MED13L: variants seen among roughly 807,000 people sequenced by gnomAD.
MED13L encodes the protein mediator of RNA polymerase II transcription subunit 13-like.
A neutral mutation model predicts 220.9 loss-of-function variants in MED13L; 7 were observed. The ratio of observed to expected loss-of-function variants is 0.03; its 90% CI spans 0.02 to 0.06. MED13L has a LOEUF of 0.06. Among genes scored for constraint, MED13L ranks in the 10% least tolerant of loss-of-function variants. The pLI is 1.00. For synonymous variants in MED13L, 1,011 were observed against 1,015.2 expected, an observed-to-expected ratio of 1.00 and a Z score of 0.08; for missense variants, 1,965 against 2,760.5, an observed-to-expected ratio of 0.71 and a Z score of 6.46.
At chr12:116,245,548 A>C (rs1221836182) in intron 1 of MED13L, among the ~76,000 whole-genome samples, 2 of 152,214 alleles carry the variant, frequency 1.3e-5, no homozygotes, top group African/African-American at 4.8e-5. Flanking sequence ...TGGGAGAAGA[A>C]AACTTTAAAA....
In MED13L at chr12:115,975,544, G is replaced by C. The variant is rs141451756; in HGVS notation, c.5559C>G (p.Thr1853=). The C allele has an allele frequency of 6.2e-7, 1 of 1,614,090 alleles. No individual in the cohort carries two copies. The highest frequency in any genetic ancestry group is 1.1e-5 in the South Asian group (1 of 91,076). The change falls in exon 24 of 31, where the codon ACC becomes ACG. Residue 1853 remains threonine, a synonymous_variant. Coordinates refer to ENST00000281928, the MANE Select transcript of MED13L (RefSeq NM_015335.5). ...TTGGTAAAGCAATATTTACAACGCA[G>C]GTCTCTAATAATTCCCCATGGAGGT... ...CTDLHGELLE[T]CVVNIALPNR...
intron 5 of MED13L, among the ~76,000 whole-genome samples, chr12:116,021,276 G>A (rs1008691001): frequency 1.3e-5 from 2 of 152,184 alleles, no homozygotes; most frequent in African/African-American, 4.8e-5. Flanking sequence ...CAACATTGAA[G>A]ATTAGAAATA....
At chr12:116,105,692 C>CT (rs750863125) in intron 3 of MED13L, among the ~76,000 whole-genome samples, 5 of 152,110 alleles carry the variant, frequency 3.3e-5, no homozygotes, top group Non-Finnish European at 7.4e-5. Flanking sequence ...AGACAGATTA[C>CT]AGTAACAGAA....
chr12:116,241,741 A>G (rs952310108), intron 1 of MED13L, among the ~76,000 whole-genome samples: 12 of 152,240 alleles, frequency 7.9e-5, no homozygotes, highest in African/African-American at 2.9e-4. Flanking sequence ...TAACTAATTC[A>G]GGTAAAACAG....
intron 4 of MED13L, among the ~76,000 whole-genome samples, chr12:116,091,571 G>A (rs1229546854): frequency 2.0e-5 from 3 of 152,188 alleles, no homozygotes; most frequent in South Asian, 4.1e-4. Context: ...CTTATTAAGT[G>A]TTTGTCTGCT....
chr12:116,175,124 C>T (rs1215426617), intron 2 of MED13L, among the ~76,000 whole-genome samples: 2 of 151,854 alleles, frequency 1.3e-5, no homozygotes, highest in Admixed American at 6.6e-5. Flanking sequence ...GCTGTCTCTG[C>T]CAAAAAATAA....
chr12:116,271,883 G>A (rs535008720), intron 1 of MED13L, among the ~76,000 whole-genome samples: 2 of 152,024 alleles, frequency 1.3e-5, no homozygotes, highest in East Asian at 1.9e-4. Flanking sequence ...TGAAATAAAT[G>A]TATCATTCAC....
At chr12:115,968,837 C>A in intron 28 of MED13L, 103 bp downstream of exon 28, 1 of 1,428,130 alleles carries the variant, frequency 7.0e-7, no homozygotes, top group Non-Finnish European at 9.8e-7. Flanking sequence ...GGACCCAGAC[C>A]ATCAAGAACT....
rs1438649347 is a variant in MED13L, at chr12:115,966,254, A to G, written c.6226-11T>C. The G allele has an allele frequency of 6.2e-7, 1 of 1,613,872 alleles. No homozygotes were observed. Among genetic ancestry groups the G allele is most frequent in the Non-Finnish European group, 8.5e-7 (1 of 1,179,982 alleles). ...ACGCTCACCCTGGCTCTGAAAAACA[A>G]AAATCCCAAAAACATGATCAGCATT... On this transcript the variant is annotated splice_polypyrimidine_tract_variant and intron_variant, in intron 28 of 30. Transcript: ENST00000281928.
rs762494489 is a variant in MED13L at position 115,987,565 on chromosome 12, G to T, written c.3935-277C>A. On this transcript the variant is annotated intron_variant, in intron 17 of 30. Transcript: ENST00000281928. The stretch of plus-strand genomic sequence containing the variant: ...TTGTTTAAAAGTGGAAAAATGGATA[G>T]GTGCGACTTTTTAAAACCATGGAAA... Among the ~76,000 whole-genome samples, 23 of 152,100 alleles carry T rather than the reference G, an allele frequency of 1.5e-4. No homozygotes were observed. The South Asian group carries it at 3.1e-3, about 21-fold the overall frequency.
intron 2 of MED13L, among the ~76,000 whole-genome samples, chr12:116,156,218 A>C (rs1206276540): frequency 6.6e-6 from 1 of 151,970 alleles, no homozygotes; most frequent in African/African-American, 2.4e-5. Flanking sequence ...CAGTAGTATA[A>C]ATATCTTTCC....
At chr12:116,136,442 A>ATG (rs966787190) in intron 2 of MED13L, among the ~76,000 whole-genome samples, 1 of 152,102 alleles carries the variant, frequency 6.6e-6, no homozygotes, top group South Asian at 2.1e-4. Context: ...ATAAGTGTGT[A>ATG]TGTGTGTGTG....
At chr12:116,183,899 T>C (rs189448077) in intron 2 of MED13L, among the ~76,000 whole-genome samples, 22 of 151,764 alleles carry the variant, frequency 1.4e-4, no homozygotes, top group African/African-American at 4.6e-4. Context: ...CCCTGACAAA[T>C]AGATGACTGT....
intron 4 of MED13L, among the ~76,000 whole-genome samples, chr12:116,084,022 TA>T (rs1871419282): frequency 6.6e-6 from 1 of 152,204 alleles, no homozygotes; most frequent in Non-Finnish European, 1.5e-5. Flanking sequence ...AAAGCACAAA[TA>T]CAGAACTCTT....
At chr12:116,051,361 G>A (rs1868495429) in intron 4 of MED13L, among the ~76,000 whole-genome samples, 1 of 151,908 alleles carries the variant, frequency 6.6e-6, no homozygotes, top group African/African-American at 2.4e-5. Flanking sequence ...TTTTAAACTA[G>A]AAATACAGTT....
At chr12:116,078,200 T>A (rs1364376005) in intron 4 of MED13L, among the ~76,000 whole-genome samples, 1 of 151,438 alleles carries the variant, frequency 6.6e-6, no homozygotes, top group Non-Finnish European at 1.5e-5. Flanking sequence ...GCTGTGCATA[T>A]GAATTATTAT....
intron 2 of MED13L, among the ~76,000 whole-genome samples, chr12:116,136,137 A>G (rs967597096): frequency 9.9e-5 from 15 of 152,084 alleles, no homozygotes; most frequent in Admixed American, 9.2e-4. Context: ...TTCTGACCTC[A>G]TGATCCACCT....
chr12:116,106,930 GTT>G (rs1873636488), intron 3 of MED13L, among the ~76,000 whole-genome samples: 1 of 151,724 alleles, frequency 6.6e-6, no homozygotes, highest in Non-Finnish European at 1.5e-5. Flanking sequence ...GACTTTTAAT[GTT>G]TGTCTCCCAC....
In MED13L at chr12:115,972,032, A is replaced by G. The variant is rs764824838; in HGVS notation, c.5890+46T>C. ...TGCGGACTTAAGTTTGAGTGGACTG[A>G]ATTGATGTGATATGTAATTAATGAC... On this transcript the variant is annotated intron_variant, in intron 26 of 30. Coordinates refer to ENST00000281928, the MANE Select transcript of MED13L (RefSeq NM_015335.5). The G allele has an allele frequency of 5.6e-6, 9 of 1,600,420 alleles. No individual in the cohort carries two copies. In the Admixed American group the frequency reaches 1.5e-4, roughly 27 times the overall value.
Sources: allele counts gnomAD v4.1 joint callset (sites outside exome capture counted in the v4.1 genomes callset), GRCh38; gene constraint gnomAD v4.1.1; transcripts MANE v1.5; gene names NCBI Gene and HGNC (gene_info 2026-07-23, HGNC 2026-07-21).